Variants in CACHD1 observed in about 807,000 individuals in gnomAD.
The protein encoded by CACHD1 is VWFA and cache domain-containing protein 1.
In CACHD1, 71 loss-of-function variants were observed where a neutral mutation model predicts 138.7. The observed-to-expected ratio is 0.51, with a 90% CI of 0.42 to 0.62. The LOEUF (loss-of-function observed/expected upper bound fraction) is 0.62, where lower values mean the gene tolerates loss of function less well. Ranked by LOEUF, CACHD1 falls within the 20% of genes least tolerant of loss-of-function variation. CACHD1 has a pLI of 0.00. For missense variants in CACHD1, 1,389 were observed against 1,625.3 expected (o/e 0.85, Z 2.50); for synonymous variants, 578 against 591.5 (o/e 0.98, Z 0.33).
chr1:64,493,917 AG>A (rs1369489924), intron 1 of CACHD1, among the ~76,000 whole-genome samples: 1 of 152,196 alleles, frequency 6.6e-6, no homozygotes, highest in Non-Finnish European at 1.5e-5. Flanking sequence ...GCTTTGTGGA[AG>A]GGAGCCTTTG....
chr1:64,526,095 C>T (rs1020282114), intron 1 of CACHD1, among the ~76,000 whole-genome samples: 1 of 152,162 alleles, frequency 6.6e-6, no homozygotes, highest in Admixed American at 6.5e-5. Context: ...TGAGTTTGAG[C>T]TCAACCCCTT....
chr1:64,593,815 A>T (rs1189701034), intron 3 of CACHD1, among the ~76,000 whole-genome samples: 1 of 152,208 alleles, frequency 6.6e-6, no homozygotes, highest in Admixed American at 6.5e-5. Flanking sequence ...ACTTAGTTAC[A>T]TATGTTTATA....
At chr1:64,680,442 C>T (rs989085882) in intron 24 of CACHD1, among the ~76,000 whole-genome samples, 9 of 151,796 alleles carry the variant, frequency 5.9e-5, no homozygotes, top group African/African-American at 1.7e-4. Context: ...GAGCCAAGAT[C>T]GCGCCATTGC....
intron 1 of CACHD1, among the ~76,000 whole-genome samples, chr1:64,521,217 G>C (rs998646463): frequency 6.6e-6 from 1 of 152,160 alleles, no homozygotes; most frequent in African/African-American, 2.4e-5. Flanking sequence ...CCTCCTAGCT[G>C]TCATCTGGGG....
Position 64,675,494 on chromosome 1 carries a change from G to A in CACHD1, c.2821G>A (p.Glu941Lys), listed in dbSNP as rs780586770. 2 of 1,613,588 alleles carry A rather than the reference G, an allele frequency of 1.2e-6. No individual in the cohort carries two copies. The highest frequency in any genetic ancestry group is 2.2e-5 in the East Asian group (1 of 44,878). Residue 941 changes from glutamate (E) to lysine (K), a missense_variant, in exon 20 of 27, where the codon GAA becomes AAA. Glu to Lys is a moderately conservative substitution (Grantham distance 56, BLOSUM62 1). This residue lies in a region of CACHD1 where 50 missense variants were observed against 108.2 expected (regional missense o/e 0.46). Transcript: ENST00000651257. ...CAACGCGTTTGTTGGCATTGTCAACGAAACCTGCGACTCTCTTGCCTTCTG... is the reference window on the plus strand; with the variant it reads ...CAACGCGTTTGTTGGCATTGTCAACAAAACCTGCGACTCTCTTGCCTTCTG... ...GTNAFVGIVN[E>K]TCDSLAFCAC...
chr1:64,481,608 G>C (rs1159763231), intron 1 of CACHD1, among the ~76,000 whole-genome samples: 1 of 152,192 alleles, frequency 6.6e-6, no homozygotes, highest in African/African-American at 2.4e-5. Flanking sequence ...CAGTGTGGAA[G>C]AAGCCTGCCA....
chr1:64,472,326 A>G (rs558992487), intron 1 of CACHD1, among the ~76,000 whole-genome samples: 26 of 151,018 alleles, frequency 1.7e-4, no homozygotes, highest in African/African-American at 5.6e-4. Context: ...CCCCACACCA[A>G]TCTCCTCCCA....
At chr1:64,487,345 C>T (rs1646249510) in intron 1 of CACHD1, among the ~76,000 whole-genome samples, 1 of 152,112 alleles carries the variant, frequency 6.6e-6, no homozygotes, top group Non-Finnish European at 1.5e-5. Context: ...TCCCCCCAGG[C>T]TTTGAAGGAT....
At chr1:64,676,034 A>AC (rs1553146325) in intron 21 of CACHD1, 51 bp downstream of exon 21, 1 of 502,816 alleles carries the variant, frequency 2.0e-6, no homozygotes, top group Non-Finnish European at 2.7e-6. Context: ...TAATAATAAT[A>AC]ATAATACATA....
intron 4 of CACHD1, among the ~76,000 whole-genome samples, chr1:64,609,474 A>G (rs985375785): frequency 2.6e-5 from 4 of 152,200 alleles, no homozygotes; most frequent in African/African-American, 9.6e-5. Context: ...ATACTTATGT[A>G]TATGCATACA....
At chr1:64,568,568 G>C (rs1268362629) in intron 2 of CACHD1, among the ~76,000 whole-genome samples, 1 of 152,058 alleles carries the variant, frequency 6.6e-6, no homozygotes, top group African/African-American at 2.4e-5. Context: ...GAGCCATCTT[G>C]TTTCTATTTT....
chr1:64,485,848 G>T (rs1646238826), intron 1 of CACHD1, among the ~76,000 whole-genome samples: 1 of 152,202 alleles, frequency 6.6e-6, no homozygotes, highest in Admixed American at 6.5e-5. Flanking sequence ...TTTAATAGTA[G>T]TTTTGGGTTG....
intron 3 of CACHD1, among the ~76,000 whole-genome samples, chr1:64,596,706 T>A (rs1557511623): frequency 6.6e-6 from 1 of 152,130 alleles, no homozygotes. Context: ...TCAGAAGAAA[T>A]GATTTTTTTT....
At chr1:64,626,531 C>T (rs1648107418) in intron 4 of CACHD1, among the ~76,000 whole-genome samples, 1 of 152,206 alleles carries the variant, frequency 6.6e-6, no homozygotes, top group African/African-American at 2.4e-5. Flanking sequence ...CACTTATGTA[C>T]ACTGTCCTTT....
intron 3 of CACHD1, among the ~76,000 whole-genome samples, chr1:64,594,024 C>T (rs1003819433): frequency 6.6e-6 from 1 of 151,926 alleles, no homozygotes; most frequent in African/African-American, 2.4e-5. Flanking sequence ...GAGGCCGAGG[C>T]GTGGGGATCA....
intron 2 of CACHD1, among the ~76,000 whole-genome samples, chr1:64,564,641 T>C (rs776145312): frequency 6.6e-6 from 1 of 152,204 alleles, no homozygotes; most frequent in Non-Finnish European, 1.5e-5. Context: ...CTATTCTTAA[T>C]TTGTTATTTA....
intron 15 of CACHD1, among the ~76,000 whole-genome samples, chr1:64,665,139 G>C (rs916048399): frequency 6.6e-6 from 1 of 151,978 alleles, no homozygotes; most frequent in African/African-American, 2.4e-5. Context: ...AGCATAGCAG[G>C]GGAGTCAACT....
intron 1 of CACHD1, among the ~76,000 whole-genome samples, chr1:64,533,498 C>T (rs745329245): frequency 2.0e-5 from 3 of 152,134 alleles, no homozygotes; most frequent in Non-Finnish European, 4.4e-5. Flanking sequence ...GCCCAGCCCA[C>T]CTCTAGTTTT....
chr1:64,665,887 C>T (rs112894068), intron 15 of CACHD1, among the ~76,000 whole-genome samples, 170 bp from the exon 16 acceptor site: 107 of 152,206 alleles, frequency 7.0e-4, no homozygotes, highest in African/African-American at 2.5e-3. Flanking sequence ...GCCTGTAGTC[C>T]CAGCTACTTG....
Sources: allele counts gnomAD v4.1 joint callset (sites outside exome capture counted in the v4.1 genomes callset), GRCh38; gene constraint gnomAD v4.1.1; regional missense constraint gnomAD v4.1.1; transcripts MANE v1.5; gene names NCBI Gene and HGNC (gene_info 2026-07-23, HGNC 2026-07-21).